LTF: variants seen among roughly 807,000 people sequenced by gnomAD.
LTF encodes the protein epididymis luminal protein 110.
Under a neutral mutation model 87.2 loss-of-function variants are expected in LTF, and 91 were observed. The ratio of observed to expected loss-of-function variants is 1.04; its 90% CI spans 0.88 to 1.24. LTF has a LOEUF of 1.24. Among genes scored for constraint, LTF ranks in the 50% most tolerant of loss-of-function variants. LTF has a pLI of 0.00. For missense variants in LTF, 901 were observed against 904.3 expected, an observed-to-expected ratio of 1.00 and a Z score of 0.05; for synonymous variants, 378 against 356.1, an observed-to-expected ratio of 1.06 and a Z score of -0.69.
intron 1 of LTF, among the ~76,000 whole-genome samples, chr3:46,471,148 T>C (rs1183429359): frequency 5.9e-5 from 9 of 151,992 alleles, no homozygotes; most frequent in Admixed American, 1.3e-4. Context: ...CAGAGTCTGT[T>C]CTCCAACATG....
At chr3:46,450,106 C>T in intron 7 of LTF, 78 bp from the exon 8 acceptor site, 2 of 1,211,880 alleles carry the variant, frequency 1.7e-6, no homozygotes, top group Non-Finnish European at 2.3e-6. Context: ...AAAAGAGTAT[C>T]TGGAGCTTTG....
chr3:46,457,228 T>G lies in LTF; in HGVS notation c.208-830A>C, dbSNP rs1702960233. ...ACATCATATTTTGTGGACTGCTTAT[T>G]CCTCTAAAACTGGATACATTTTCTA... On this transcript the variant is annotated intron_variant, in intron 2 of 16. Transcript: ENST00000231751. Among the ~76,000 whole-genome samples, 3 of 152,244 alleles carry G rather than the reference T, an allele frequency of 2.0e-5. No individual in the cohort carries two copies. The South Asian group carries it at 6.2e-4, about 32-fold the overall frequency.
intron 12 of LTF, 55 bp from the exon 13 acceptor site, chr3:46,443,637 AC>A: frequency 6.3e-7 from 1 of 1,589,614 alleles, no homozygotes; most frequent in Non-Finnish European, 8.6e-7. Context: ...CACACAAGCA[AC>A]CTTTACCTAA....
At chr3:46,454,108 G>A (rs1702865986) in intron 6 of LTF, 197 bp downstream of exon 6, 2 of 597,860 alleles carry the variant, frequency 3.3e-6, no homozygotes, top group South Asian at 4.0e-5. Flanking sequence ...GAGGGGAAGA[G>A]AAAGGCAGTA....
chr3:46,472,860 C>T (rs1703311750), intron 1 of LTF, among the ~76,000 whole-genome samples: 1 of 152,146 alleles, frequency 6.6e-6, no homozygotes, highest in South Asian at 2.1e-4. Context: ...CCTGCTTCTT[C>T]CCTTTGTCTT....
In LTF at chr3:46,464,875, G is replaced by T. The variant is rs769073884; in HGVS notation, c.-8C>A. 1 of 1,614,028 alleles carries T rather than the reference G, an allele frequency of 6.2e-7. No homozygotes were observed. The highest frequency in any genetic ancestry group is 8.5e-7 in the Non-Finnish European group (1 of 1,179,988). On this transcript the variant is annotated 5_prime_UTR_variant, in exon 1 of 17. Coordinates refer to ENST00000231751, the MANE Select transcript of LTF (RefSeq NM_002343.6). ...GAGGAAGACAAGTTTCATGTCTGCG[G>T]TCTGGAGGCGACTTGGCAAACGAAG...
intron 6 of LTF, among the ~76,000 whole-genome samples, chr3:46,451,999 C>A (rs1386601856): frequency 6.6e-6 from 1 of 152,104 alleles, no homozygotes; most frequent in Admixed American, 6.5e-5. Context: ...CAAGGATGCC[C>A]ACTGTTACAA....
At chr3:46,468,926 C>T (rs1469438865), upstream of LTF, among the ~76,000 whole-genome samples, 1 of 152,206 alleles carries the variant, frequency 6.6e-6, no homozygotes, top group Non-Finnish European at 1.5e-5. Context: ...CTTCCTCCTT[C>T]CACACCCCCA....
intron 1 of LTF, among the ~76,000 whole-genome samples, chr3:46,482,178 G>A (rs2106930195): frequency 6.6e-6 from 1 of 152,146 alleles, no homozygotes. Flanking sequence ...TTCTCAGGCT[G>A]GGCACAGTGA....
In LTF at chr3:46,448,884, C is replaced by G. The variant is rs765214105; in HGVS notation, c.1191G>C (p.Glu397Asp). The G allele has an allele frequency of 1.8e-5, 29 of 1,613,444 alleles. No individual in the cohort carries two copies. The highest frequency in any genetic ancestry group is 2.4e-5 in the Non-Finnish European group (28 of 1,179,882). The change falls in exon 9 of 17, where the codon GAG (glutamate) becomes GAC (aspartate). Residue 397 changes from glutamate to aspartate, a missense_variant. Glu to Asp is a conservative substitution (Grantham distance 45). Coordinates refer to ENST00000231751, the MANE Select transcript of LTF (RefSeq NM_002343.6). ...SVTCSSASTT[E>D]DCIALVLKGE... The stretch of plus-strand genomic sequence containing the variant: ...CTACCAGCACCAGGGCGATGCAGTC[C>G]TCTGTGGTGGAGGCCGAGGAGCAGG...
rs59655193 is a variant in LTF, at chr3:46,482,683, G to A, written c.-320+2303C>T. Among the ~76,000 whole-genome samples, 27 of 92,954 alleles carry A rather than the reference G, an allele frequency of 2.9e-4. No individual in the cohort carries two copies. In the East Asian group the frequency reaches 3.3e-3, roughly 11 times the overall value. 61.0% of individuals were successfully genotyped at this position (92,954 alleles called of 152,430 possible). Reference sequence around the variant, plus strand: ...AAGAAGGAAGGAAGGAAGGAAGGAAGGAAGGAAGGAAGGAAGGAAGGAAAG... The same window carrying A: ...AAGAAGGAAGGAAGGAAGGAAGGAAAGAAGGAAGGAAGGAAGGAAGGAAAG... On this transcript the variant is annotated intron_variant, in intron 1 of 19. Transcript: ENST00000443496.
intron 3 of LTF, 117 bp from the exon 4 acceptor site, chr3:46,456,095 C>T: frequency 1.9e-6 from 2 of 1,047,848 alleles, no homozygotes; most frequent in Non-Finnish European, 2.7e-6. Flanking sequence ...TTCCTCACAG[C>T]TCACGTGTGT....
chr3:46,485,064 C>T (rs1226866631), exon 1 of LTF: 1 of 152,454 alleles, frequency 6.6e-6, no homozygotes, highest in Non-Finnish European at 1.5e-5. Flanking sequence ...GCCCAGGGCC[C>T]CAGCTGGAGT....
intron 15 of LTF, 149 bp downstream of exon 15, chr3:46,439,147 C>T (rs549873002): frequency 1.5e-4 from 101 of 688,814 alleles, no homozygotes; most frequent in African/African-American, 1.3e-3. Flanking sequence ...CTCTGGGCAA[C>T]GCCACAGCAT....
intron 16 of LTF, among the ~76,000 whole-genome samples, chr3:46,436,630 G>A (rs960759774): frequency 1.3e-5 from 2 of 152,214 alleles, no homozygotes; most frequent in African/African-American, 4.8e-5. Flanking sequence ...CCTGCTTTGT[G>A]TGAGTTGCTG....
intron 6 of LTF, among the ~76,000 whole-genome samples, chr3:46,452,330 A>T (rs538663742): frequency 6.6e-6 from 1 of 152,360 alleles, no homozygotes; most frequent in African/African-American, 2.4e-5. Context: ...CACAAAGGAA[A>T]AATTTTAGTT....
At chr3:46,460,753 T>C (rs1233782771) in intron 1 of LTF, among the ~76,000 whole-genome samples, 1 of 152,194 alleles carries the variant, frequency 6.6e-6, no homozygotes, top group East Asian at 1.9e-4. Flanking sequence ...GACACCCATA[T>C]TGGAAAGAAA....
At chr3:46,460,441 C>T (rs4683235) in intron 1 of LTF, 44,761 of 403,422 alleles carry the variant, frequency 0.11, 3,053 homozygotes, top group Admixed American at 0.22. Context: ...ATTCACTCTG[C>T]ACAGAAAGAC....
chr3:46,472,636 T>C (rs1703308551), intron 1 of LTF, among the ~76,000 whole-genome samples: 7 of 151,340 alleles, frequency 4.6e-5, no homozygotes, highest in Admixed American at 4.6e-4. Flanking sequence ...GCTCAAGAGA[T>C]CCTCTTGAAG....
Sources: gnomAD v4.1 joint callset for allele counts (sites outside exome capture counted in the v4.1 genomes callset) on GRCh38, gnomAD v4.1.1 for gene constraint, MANE v1.5 for transcripts, NCBI Gene and HGNC (gene_info 2026-07-23, HGNC 2026-07-21) for gene names.